PRKG1: variants seen among roughly 807,000 people sequenced by gnomAD.
The protein encoded by PRKG1 is protein kinase cGMP-dependent 1, also known as cGMP-dependent protein kinase 1.
A neutral mutation model predicts 88.1 loss-of-function variants in PRKG1; 35 were observed. The observed-to-expected ratio is 0.40, with a 90% CI of 0.30 to 0.53. The LOEUF (loss-of-function observed/expected upper bound fraction) is 0.53, where lower values mean the gene tolerates loss of function less well. PRKG1 is among the 20% of genes least tolerant of loss of function. The pLI, the probability that PRKG1 is intolerant of heterozygous loss-of-function variation, is 0.59. For synonymous variants in PRKG1, 303 were observed against 292.5 expected (o/e 1.04, Z -0.37); for missense variants, 540 against 839.8 (o/e 0.64, Z 4.41).
At chr10:51,328,266 A>T (rs1411154697) in intron 2 of PRKG1, among the ~76,000 whole-genome samples, 1 of 152,160 alleles carries the variant, frequency 6.6e-6, no homozygotes, top group South Asian at 2.1e-4. Context: ...ACTTAACGTG[A>T]TGTCTTGTAG....
chr10:51,739,303 T>G (rs1429822242), intron 3 of PRKG1, among the ~76,000 whole-genome samples: 1 of 152,208 alleles, frequency 6.6e-6, no homozygotes, highest in East Asian at 1.9e-4. Flanking sequence ...GAAGATTTGC[T>G]TCCCAAAACT....
At position 51,333,287 on chromosome 10, in the gene PRKG1, G is replaced by C. The variant is rs1841787400; in HGVS notation, c.479-134436G>C. On this transcript the variant is annotated intron_variant, in intron 2 of 17. Coordinates refer to ENST00000373980, the MANE Select transcript of PRKG1 (RefSeq NM_006258.4). ...ACCTTCAGTATTGGTTATCTTAATT[G>C]TTGTGAAGATAGTAAACTTAGCTCA... is the stretch of plus-strand genomic sequence containing the variant. Among the ~76,000 whole-genome samples, 11 of 152,308 alleles carry C rather than the reference G, an allele frequency of 7.2e-5. No individual in the cohort carries two copies. The South Asian group carries it at 2.3e-3, about 32-fold the overall frequency.
intron 3 of PRKG1, among the ~76,000 whole-genome samples, chr10:51,486,315 T>C (rs1239189945): frequency 1.3e-5 from 2 of 152,126 alleles, no homozygotes; most frequent in Non-Finnish European, 2.9e-5. Context: ...TTTAGATTCA[T>C]CATATAAGTT....
intron 4 of PRKG1, among the ~76,000 whole-genome samples, chr10:51,863,249 T>C (rs1006971697): frequency 2.0e-5 from 3 of 152,162 alleles, no homozygotes; most frequent in Non-Finnish European, 4.4e-5. Context: ...TTAAGGGCTA[T>C]AATGGTCCAC....
intron 3 of PRKG1, among the ~76,000 whole-genome samples, chr10:51,717,973 C>G (rs970458073): frequency 2.6e-5 from 4 of 152,216 alleles, no homozygotes; most frequent in African/African-American, 7.2e-5. Context: ...CTTTCTGTCT[C>G]AGGTTTCTTA....
At chr10:51,562,359 G>A (rs1167202103) in intron 3 of PRKG1, among the ~76,000 whole-genome samples, 1 of 152,116 alleles carries the variant, frequency 6.6e-6, no homozygotes, top group Non-Finnish European at 1.5e-5. Flanking sequence ...ATTAAACTGA[G>A]TAGTTCTTAT....
At chr10:51,702,838 C>T (rs754660160) in intron 3 of PRKG1, among the ~76,000 whole-genome samples, 19 of 151,938 alleles carry the variant, frequency 1.3e-4, no homozygotes, top group Non-Finnish European at 2.6e-4. Flanking sequence ...AGACTACAGG[C>T]GTGTGCCACT....
chr10:51,176,961 G>A (rs1837211084), intron 2 of PRKG1, among the ~76,000 whole-genome samples: 1 of 151,108 alleles, frequency 6.6e-6, no homozygotes, highest in Non-Finnish European at 1.5e-5. Flanking sequence ...GGTAAATGTG[G>A]CATCAAATAA....
chr10:51,159,597 T>C (rs1278081372), intron 2 of PRKG1, among the ~76,000 whole-genome samples: 1 of 152,146 alleles, frequency 6.6e-6, no homozygotes, highest in African/African-American at 2.4e-5. Flanking sequence ...TATTAAAATA[T>C]GTTTTAGTTA....
At chr10:52,279,624 C>T (rs1841954426) in intron 12 of PRKG1, among the ~76,000 whole-genome samples, 5 of 151,958 alleles carry the variant, frequency 3.3e-5, no homozygotes, top group Admixed American at 2.6e-4. Flanking sequence ...ATTCCACTGC[C>T]CAGTTTGTTA....
intron 3 of PRKG1, among the ~76,000 whole-genome samples, chr10:51,514,812 A>G (rs1003491236): frequency 2.8e-4 from 43 of 152,196 alleles, no homozygotes; most frequent in Non-Finnish European, 1.3e-4. Flanking sequence ...GACTGACTCA[A>G]ACTTTTATTG....
At chr10:51,587,031 A>C (rs17543357) in intron 3 of PRKG1, among the ~76,000 whole-genome samples, 46,183 of 151,918 alleles carry the variant, frequency 0.3, 8,074 homozygotes, top group Non-Finnish European at 0.4. Flanking sequence ...CTGTGTACTC[A>C]AACCTCACTA....
chr10:51,508,388 G>C (rs1023642416), intron 3 of PRKG1, among the ~76,000 whole-genome samples: 1 of 152,072 alleles, frequency 6.6e-6, no homozygotes, highest in Non-Finnish European at 1.5e-5. Context: ...ACTTAAGCTG[G>C]AAAGAACCCT....
At chr10:51,437,711 C>G (rs139106655) in intron 2 of PRKG1, among the ~76,000 whole-genome samples, 1 of 151,576 alleles carries the variant, frequency 6.6e-6, no homozygotes, top group African/African-American at 2.4e-5. Context: ...AGTAGTCAAC[C>G]CAAAGCCATA....
intron 8 of PRKG1, among the ~76,000 whole-genome samples, chr10:52,135,775 G>A (rs77255750): frequency 0.17 from 25,681 of 152,046 alleles, 2,582 homozygotes; most frequent in South Asian, 0.28. Context: ...GACAGGAAAT[G>A]TGGGACAGAA....
intron 2 of PRKG1, among the ~76,000 whole-genome samples, chr10:51,172,154 T>C (rs894846088): frequency 6.6e-6 from 1 of 152,094 alleles, no homozygotes; most frequent in Admixed American, 6.5e-5. Context: ...AGTGATGAAA[T>C]AATGAGTCAC....
At chr10:51,115,386 A>ATATATATATATATATAT (rs1465710988) in intron 1 of PRKG1, among the ~76,000 whole-genome samples, 2,360 of 70,308 alleles carry the variant, frequency 0.034, 231 homozygotes, top group Admixed American at 0.079. Context: ...TATATATATA[A>ATATATATATATATATAT]AACAAATGTG....
chr10:51,699,307 CT>C, intron 3 of PRKG1: 2 of 1,614,164 alleles, frequency 1.2e-6, no homozygotes, highest in Non-Finnish European at 8.5e-7. Context: ...TCCCACTGAA[CT>C]CCCGCCCATT....
intron 5 of PRKG1, among the ~76,000 whole-genome samples, chr10:51,966,073 A>G (rs1011085817): frequency 1.3e-5 from 2 of 152,162 alleles, no homozygotes; most frequent in African/African-American, 4.8e-5. Context: ...AATCAATGTA[A>G]ATGTTTTTAA....
Sources: gnomAD v4.1 joint callset for allele counts (sites outside exome capture counted in the v4.1 genomes callset) on GRCh38, gnomAD v4.1.1 for gene constraint, MANE v1.5 for transcripts, NCBI Gene and HGNC (gene_info 2026-07-23, HGNC 2026-07-21) for gene names.